The following PIK3C2G variants were observed in gnomAD, a reference collection of about 807,000 sequenced individuals.
PIK3C2G encodes the protein phosphatidylinositol-4-phosphate 3-kinase catalytic subunit type 2 gamma.
In PIK3C2G, 168 loss-of-function variants were observed where a neutral mutation model predicts 181.1. The observed-to-expected ratio is 0.93, with a 90% CI of 0.82 to 1.05. The LOEUF (loss-of-function observed/expected upper bound fraction) is 1.05, where lower values mean the gene tolerates loss of function less well. PIK3C2G is among the 50% of genes least tolerant of loss of function. PIK3C2G has a pLI of 0.00. For synonymous variants in PIK3C2G, 573 were observed against 592.2 expected (o/e 0.97, Z 0.47); for missense variants, 1,869 against 1,732.8 (o/e 1.08, Z -1.40).
At chr12:18,399,232 C>T (rs1944097717) in intron 15 of PIK3C2G, among the ~76,000 whole-genome samples, 1 of 150,136 alleles carries the variant, frequency 6.7e-6, no homozygotes. Context: ...TTCACAGGCC[C>T]ACTTGGATCT....
At chr12:18,383,553 G>A (rs1048701893) in intron 14 of PIK3C2G, among the ~76,000 whole-genome samples, 1 of 152,172 alleles carries the variant, frequency 6.6e-6, no homozygotes, top group African/African-American at 2.4e-5. Context: ...ATAAAGGAAT[G>A]CACAATGCAA....
At chr12:18,433,475 G>A (rs571027888) in intron 18 of PIK3C2G, among the ~76,000 whole-genome samples, 16 of 152,046 alleles carry the variant, frequency 1.1e-4, no homozygotes, top group African/African-American at 2.2e-4. Context: ...ACAGTGAGCC[G>A]AGATCACGCC....
In PIK3C2G at chr12:18,608,925, A is replaced by G. The variant is rs371938039; in HGVS notation, c.4088-610A>G. On this transcript the variant is annotated intron_variant, in intron 30 of 32. Coordinates refer to ENST00000538779, the MANE Select transcript of PIK3C2G (RefSeq NM_001288772.2). ...TGCAGGGGGTGGGAGGAGTGAATGA[A>G]TGTCCTAGTAGTTTAGGCAAAACGT... Among the ~76,000 whole-genome samples the G allele has an allele frequency of 7.2e-5, 11 of 152,218 alleles. No homozygotes were observed. In the South Asian group the frequency reaches 2.1e-3, roughly 29 times the overall value.
chr12:18,267,221 G>C (rs1591782162), intron 1 of PIK3C2G, among the ~76,000 whole-genome samples: 1 of 152,008 alleles, frequency 6.6e-6, no homozygotes, highest in Non-Finnish European at 1.5e-5. Context: ...ATATGTGACT[G>C]AATTTTCAGT....
chr12:18,248,070 G>C (rs538584530), exon 1 of PIK3C2G: 3 of 152,136 alleles, frequency 2.0e-5, no homozygotes, highest in African/African-American at 7.2e-5. Flanking sequence ...AGCTGACACA[G>C]AGAAAAGCAC....
At chr12:18,494,435 A>G (rs932754010) in intron 20 of PIK3C2G, among the ~76,000 whole-genome samples, 1 of 151,898 alleles carries the variant, frequency 6.6e-6, no homozygotes, top group Non-Finnish European at 1.5e-5. Context: ...TGTACCACCA[A>G]ATTTAATAGG....
the PIK3C2G span, among the ~76,000 whole-genome samples, chr12:18,697,988 G>A: frequency 6.6e-6 from 1 of 151,644 alleles, no homozygotes; most frequent in African/African-American, 2.4e-5. Flanking sequence ...CAAAATTTTT[G>A]CAAGTATTTA....
At chr12:18,359,977 A>G (rs74070250) in intron 11 of PIK3C2G, among the ~76,000 whole-genome samples, 2,420 of 152,250 alleles carry the variant, frequency 0.016, 76 homozygotes, top group African/African-American at 0.056. Flanking sequence ...AAAGTAATTA[A>G]TAGTAAAGGA....
intron 31 of PIK3C2G, among the ~76,000 whole-genome samples, chr12:18,626,876 A>T (rs1177708109): frequency 6.6e-6 from 1 of 151,838 alleles, no homozygotes; most frequent in Non-Finnish European, 1.5e-5. Flanking sequence ...TCTGAATTTG[A>T]TTGGAGATTT....
At chr12:18,618,773 ACAAAT>A (rs1948715780) in intron 31 of PIK3C2G, among the ~76,000 whole-genome samples, 1 of 152,158 alleles carries the variant, frequency 6.6e-6, no homozygotes, top group South Asian at 2.1e-4. Flanking sequence ...AAATCACAAA[ACAAAT>A]GTACATTTAA....
chr12:18,252,669 T>C (rs1305732588), intron 1 of PIK3C2G, among the ~76,000 whole-genome samples: 2 of 152,136 alleles, frequency 1.3e-5, no homozygotes, highest in Non-Finnish European at 1.5e-5. Context: ...GCAAGGCCTG[T>C]TTGTTCAAAT....
intron 29 of PIK3C2G, among the ~76,000 whole-genome samples, chr12:18,583,713 C>T (rs1016795750): frequency 1.3e-5 from 2 of 152,082 alleles, no homozygotes; most frequent in Admixed American, 1.3e-4. Context: ...CTTCCCCTGC[C>T]TAACCACTTT....
At chr12:18,324,213 C>A (rs1358244494) in intron 7 of PIK3C2G, among the ~76,000 whole-genome samples, 3 of 150,232 alleles carry the variant, frequency 2.0e-5, no homozygotes, top group African/African-American at 7.3e-5. Flanking sequence ...AGCGACACTC[C>A]GTCTCAAAAA....
chr12:18,298,249 T>C (rs1203676600), intron 5 of PIK3C2G, among the ~76,000 whole-genome samples: 1 of 151,986 alleles, frequency 6.6e-6, no homozygotes. Context: ...TATCTCATTG[T>C]TGTTTTGATT....
chr12:18,360,899 G>A (rs1210111204), intron 11 of PIK3C2G, among the ~76,000 whole-genome samples: 1 of 152,086 alleles, frequency 6.6e-6, no homozygotes, highest in African/African-American at 2.4e-5. Flanking sequence ...GAATCTGGAT[G>A]TTCATTTTCT....
intron 20 of PIK3C2G, 80 bp from the exon 21 acceptor site, chr12:18,495,982 T>G: frequency 1.5e-6 from 1 of 665,378 alleles, no homozygotes; most frequent in Non-Finnish European, 2.5e-6. Flanking sequence ...GGGCTATGAT[T>G]TTGGGGAAAA....
chr12:18,696,322 CTATATATA>C, the PIK3C2G span: 92,117 of 267,810 alleles, frequency 0.34, 22,084 homozygotes, highest in Non-Finnish European at 0.38. Flanking sequence ...TAAAAAGCCA[CTATATATA>C]TATATATATA....
In PIK3C2G at chr12:18,399,194, C is replaced by CAAAAAAAAAAA. The variant is rs536592064; in HGVS notation, c.2127-459_2127-449dup. Among the ~76,000 whole-genome samples, 14 of 80,448 alleles carry CAAAAAAAAAAA rather than the reference C, an allele frequency of 1.7e-4. 1 individual carries two copies. Among genetic ancestry groups the CAAAAAAAAAAA allele is most frequent in the African/African-American group, 5.2e-4 (11 of 21,016 alleles). 52.8% of individuals were successfully genotyped at this position (80,448 alleles called of 152,430 possible). On this transcript the variant is annotated intron_variant, in intron 15 of 32. Coordinates refer to ENST00000538779, the MANE Select transcript of PIK3C2G (RefSeq NM_001288772.2). ...TGGGTGACAGAGCGAGACTCCGTCTCAAAAAAAAAAAAAAAATATGCCATT... is the reference window on the plus strand; with the variant it reads ...TGGGTGACAGAGCGAGACTCCGTCTCAAAAAAAAAAAAAAAAAAAAAAAAAAATATGCCATT...
At chr12:18,292,868 C>T (rs972193253) in intron 4 of PIK3C2G, among the ~76,000 whole-genome samples, 1 of 152,186 alleles carries the variant, frequency 6.6e-6, no homozygotes, top group East Asian at 1.9e-4. Flanking sequence ...AGAGAACAAC[C>T]AACTGTGGAG....
Sources: gnomAD v4.1 joint callset for allele counts (sites outside exome capture counted in the v4.1 genomes callset) on GRCh38, gnomAD v4.1.1 for gene constraint, MANE v1.5 for transcripts, NCBI Gene and HGNC (gene_info 2026-07-23, HGNC 2026-07-21) for gene names.